The following COL5A2 variants were observed in gnomAD, a reference collection of about 807,000 sequenced individuals.
COL5A2 encodes the protein collagen alpha-2(V) chain.
COL5A2 carries 23 observed loss-of-function variants against 208.2 expected under a neutral mutation model. The observed-to-expected ratio is 0.11, with a 90% CI of 0.08 to 0.16. COL5A2 has a LOEUF of 0.16. Ranked by LOEUF, COL5A2 falls within the 10% of genes least tolerant of loss-of-function variation. COL5A2 has a pLI of 1.00. For missense variants in COL5A2, 1,590 were observed against 1,956.4 expected (o/e 0.81, Z 3.53); for synonymous variants, 625 against 628.5 (o/e 0.99, Z 0.08).
At chr2:189,435,134 TG>T in the COL5A2 span, among the ~76,000 whole-genome samples, 4 of 152,182 alleles carry the variant, frequency 2.6e-5, no homozygotes, top group Admixed American at 6.5e-5. Context: ...TGTAGAAAGC[TG>T]AAACTGGATC....
chr2:189,159,719 CTAAAACAT>C (rs67764049), intron 1 of COL5A2, among the ~76,000 whole-genome samples: 90,366 of 150,910 alleles, frequency 0.6, 28,232 homozygotes, highest in East Asian at 0.78. Flanking sequence ...ATCTAAACTT[CTAAAACAT>C]TAAATTGGCC....
intron 50 of COL5A2, among the ~76,000 whole-genome samples, chr2:189,039,818 C>T (rs1456046477): frequency 6.6e-6 from 1 of 151,864 alleles, no homozygotes; most frequent in Admixed American, 6.6e-5. Context: ...GATCAAAGCA[C>T]AAAATATTTG....
chr2:189,240,282 G>T, the COL5A2 span, among the ~76,000 whole-genome samples: 3 of 152,088 alleles, frequency 2.0e-5, no homozygotes, highest in Non-Finnish European at 2.9e-5. Context: ...CAGAAGATTT[G>T]ATTCTTAGCA....
the COL5A2 span, among the ~76,000 whole-genome samples, chr2:189,282,166 A>G: frequency 4.0e-3 from 602 of 152,260 alleles, 6 homozygotes; most frequent in Non-Finnish European, 3.0e-3. Context: ...AGCCTGGGCA[A>G]AAGAGCAAGA....
intron 1 of COL5A2, among the ~76,000 whole-genome samples, chr2:189,118,098 C>T (rs1490226373): frequency 1.3e-5 from 2 of 151,974 alleles, no homozygotes; most frequent in Admixed American, 6.6e-5. Flanking sequence ...TGATATGCTT[C>T]AACCCTGGGC....
At chr2:189,041,523 T>C in intron 50 of COL5A2, 63 bp downstream of exon 50, 1 of 1,321,772 alleles carries the variant, frequency 7.6e-7, no homozygotes, top group Non-Finnish European at 1.1e-6. Context: ...CAGACATTTC[T>C]TGGACGGAAT....
intron 1 of COL5A2, among the ~76,000 whole-genome samples, chr2:189,205,058 C>T (rs1689126375): frequency 6.6e-6 from 1 of 152,152 alleles, no homozygotes; most frequent in African/African-American, 2.4e-5. Flanking sequence ...CTCTGTTTCA[C>T]TGAAGGATTT....
chr2:189,121,120 G>A lies in COL5A2; in HGVS notation c.98-10671C>T, dbSNP rs189168234. Among the ~76,000 whole-genome samples the A allele has an allele frequency of 2.4e-3, 361 of 152,030 alleles. 1 individual carries two copies. Among genetic ancestry groups the A allele is most frequent in the African/African-American group, 8.2e-3 (339 of 41,408 alleles). On this transcript the variant is annotated intron_variant, in intron 1 of 53. Coordinates refer to ENST00000374866, the MANE Select transcript of COL5A2 (RefSeq NM_000393.5). ...GGTTGTTGTGGGAACATGTAGGAAG[G>A]GCATATCATCTAGGCTGGAGGTCAG...
the COL5A2 span, among the ~76,000 whole-genome samples, chr2:189,379,830 C>T: frequency 1.3e-5 from 2 of 152,114 alleles, no homozygotes; most frequent in Non-Finnish European, 2.9e-5. Flanking sequence ...CCTTTCATAA[C>T]TCTGCTCAGA....
intron 1 of COL5A2, among the ~76,000 whole-genome samples, chr2:189,216,082 G>A (rs1039439379): frequency 1.3e-5 from 2 of 152,110 alleles, no homozygotes; most frequent in African/African-American, 4.8e-5. Flanking sequence ...ATATAAAATA[G>A]TGGTTTCAAT....
At chr2:189,059,029 GA>G in intron 31 of COL5A2, 136 bp from the exon 32 acceptor site, 1 of 659,576 alleles carries the variant, frequency 1.5e-6, no homozygotes, top group Non-Finnish European at 2.7e-6. Context: ...TTTAAAGAAA[GA>G]AAAGTACGTA....
chr2:189,111,322 T>A (rs1205959253), intron 1 of COL5A2, among the ~76,000 whole-genome samples: 1 of 152,196 alleles, frequency 6.6e-6, no homozygotes, highest in East Asian at 1.9e-4. Flanking sequence ...ATTAACTTTG[T>A]GATTTTATAA....
At chr2:189,379,050 C>A in the COL5A2 span, among the ~76,000 whole-genome samples, 1 of 152,002 alleles carries the variant, frequency 6.6e-6, no homozygotes, top group Non-Finnish European at 1.5e-5. Flanking sequence ...GAAAGTAGTT[C>A]TAAATTCTAT....
chr2:189,273,940 G>A, the COL5A2 span, among the ~76,000 whole-genome samples: 7 of 151,978 alleles, frequency 4.6e-5, no homozygotes, highest in African/African-American at 1.7e-4. Context: ...ATAACATGGT[G>A]ACTACAGTTA....
chr2:189,236,294 T>G, the COL5A2 span, among the ~76,000 whole-genome samples: 1 of 151,758 alleles, frequency 6.6e-6, no homozygotes, highest in Non-Finnish European at 1.5e-5. Context: ...TGAGTTGTCT[T>G]GGCAATATCT....
chr2:189,264,871 T>C, the COL5A2 span, among the ~76,000 whole-genome samples: 7 of 152,156 alleles, frequency 4.6e-5, no homozygotes, highest in African/African-American at 1.7e-4. Flanking sequence ...TCCACTTAGC[T>C]AAATTACTGC....
At chr2:189,068,309 C>A (rs1274903991) in intron 19 of COL5A2, 39 bp from the exon 20 acceptor site, 1 of 1,503,510 alleles carries the variant, frequency 6.7e-7, no homozygotes, top group Admixed American at 1.7e-5. Flanking sequence ...AAATATTAAG[C>A]AATATATAGA....
the COL5A2 span, among the ~76,000 whole-genome samples, chr2:189,242,612 A>T: frequency 6.6e-6 from 1 of 152,200 alleles, no homozygotes; most frequent in African/African-American, 2.4e-5. Flanking sequence ...GCTTCCTTCC[A>T]TTCAAAGATA....
intron 1 of COL5A2, among the ~76,000 whole-genome samples, chr2:189,113,011 G>A (rs1387717181): frequency 6.6e-6 from 1 of 152,160 alleles, no homozygotes; most frequent in Non-Finnish European, 1.5e-5. Context: ...ACTTACAAAT[G>A]TTAAATGCTA....
Sources: allele counts gnomAD v4.1 joint callset (sites outside exome capture counted in the v4.1 genomes callset), GRCh38; gene constraint gnomAD v4.1.1; transcripts MANE v1.5; gene names NCBI Gene and HGNC (gene_info 2026-07-23, HGNC 2026-07-21).